EPHA6: variants seen among roughly 807,000 people sequenced by gnomAD.
EPHA6 encodes EPH receptor A6, also known as ephrin type-A receptor 6.
EPHA6 carries 50 observed loss-of-function variants against 112.0 expected under a neutral mutation model. The ratio of observed to expected loss-of-function variants is 0.45; its 90% CI spans 0.36 to 0.56. The LOEUF is 0.56. Ranked by LOEUF, EPHA6 falls within the 20% of genes least tolerant of loss-of-function variation. The pLI, the probability that EPHA6 is intolerant of heterozygous loss-of-function variation, is 0.00. For missense variants in EPHA6, 1,280 were observed against 1,417.4 expected (o/e 0.90, Z 1.56); for synonymous variants, 529 against 490.7 (o/e 1.08, Z -1.03).
chr3:97,707,427 C>T (rs1370814724), intron 14 of EPHA6, among the ~76,000 whole-genome samples: 1 of 152,096 alleles, frequency 6.6e-6, no homozygotes, highest in Non-Finnish European at 1.5e-5. Flanking sequence ...GTGAGGCAGA[C>T]AGTAAGTGTT....
At chr3:96,840,865 C>A (rs191515323) in intron 1 of EPHA6, among the ~76,000 whole-genome samples, 5 of 152,102 alleles carry the variant, frequency 3.3e-5, no homozygotes, top group Admixed American at 2.0e-4. Context: ...TTAAAAAAAT[C>A]TATTCATTTT....
chr3:96,816,185 A>G (rs2032768441), intron 1 of EPHA6, among the ~76,000 whole-genome samples: 1 of 152,228 alleles, frequency 6.6e-6, no homozygotes, highest in African/African-American at 2.4e-5. Context: ...GTTCAGAATC[A>G]GAATAAAATA....
At position 96,987,296 on chromosome 3, in the gene EPHA6, A is replaced by G. The variant is rs770776099; in HGVS notation, c.451-34A>G. The G allele has an allele frequency of 8.4e-6, 13 of 1,540,728 alleles. No homozygotes were observed. In the East Asian group the frequency reaches 2.3e-4, roughly 27 times the overall value. The stretch of plus-strand genomic sequence containing the variant: ...CATTTCTGTTTAATCACTGTGGTTT[A>G]AAATCACTTAATTACTTTTTTCCCT... On this transcript the variant is annotated intron_variant, in intron 2 of 17. Transcript: ENST00000389672.
intron 1 of EPHA6, among the ~76,000 whole-genome samples, chr3:96,822,154 A>T (rs2033308190): frequency 6.6e-6 from 1 of 151,958 alleles, no homozygotes; most frequent in African/African-American, 2.4e-5. Context: ...TTTTACAAAC[A>T]TGTTCATATG....
At chr3:97,661,887 T>G (rs1247059258) in intron 14 of EPHA6, among the ~76,000 whole-genome samples, 1 of 152,190 alleles carries the variant, frequency 6.6e-6, no homozygotes, top group Admixed American at 6.6e-5. Context: ...AGTGCATGAT[T>G]GGCATATACA....
Position 97,592,890 on chromosome 3 carries a change from T to C in EPHA6, c.2512+153T>C, listed in dbSNP as rs536169851. Among the ~76,000 whole-genome samples, 11 of 152,340 alleles carry C rather than the reference T, an allele frequency of 7.2e-5. No individual in the cohort carries two copies. In the South Asian group the frequency reaches 1.0e-3, roughly 14 times the overall value. On this transcript the variant is annotated intron_variant, in intron 12 of 17. Coordinates refer to ENST00000389672, the MANE Select transcript of EPHA6 (RefSeq NM_001080448.3). The stretch of plus-strand genomic sequence containing the variant: ...TTAAATTCAGAAACCATATTTATAA[T>C]ACTGAATGCTGTCAAAATGGCACAA...
At chr3:97,595,677 AAGAGGAGAGG>A (rs141447384) in intron 12 of EPHA6, among the ~76,000 whole-genome samples, 20 of 150,234 alleles carry the variant, frequency 1.3e-4, no homozygotes, top group Non-Finnish European at 1.8e-4. Context: ...CACAGGAGAG[AAGAGGAGAGG>A]AGAGGAGAGG....
chr3:97,356,074 T>G (rs1011224823), intron 5 of EPHA6, among the ~76,000 whole-genome samples: 25 of 152,226 alleles, frequency 1.6e-4, no homozygotes, highest in African/African-American at 6.0e-4. Context: ...CTGCTCCCCA[T>G]CACTAGCATT....
chr3:96,976,165 A>G (rs2042513386), intron 2 of EPHA6, among the ~76,000 whole-genome samples: 1 of 152,140 alleles, frequency 6.6e-6, no homozygotes, highest in Non-Finnish European at 1.5e-5. Flanking sequence ...AGGGGTAGGA[A>G]CTTTAAGTGG....
At chr3:96,997,594 T>C (rs956190211) in intron 3 of EPHA6, among the ~76,000 whole-genome samples, 2 of 151,916 alleles carry the variant, frequency 1.3e-5, no homozygotes, top group African/African-American at 2.4e-5. Flanking sequence ...ATTTATTAAG[T>C]TTTCTGGCTT....
intron 5 of EPHA6, among the ~76,000 whole-genome samples, chr3:97,399,559 G>A (rs1205411367): frequency 4.0e-5 from 6 of 151,424 alleles, no homozygotes; most frequent in African/African-American, 1.5e-4. Flanking sequence ...ACTGGCAGTG[G>A]ATGAGTTCCA....
In EPHA6 at chr3:97,563,050, CA is replaced by C. The variant is rs961534776; in HGVS notation, c.2387-29554del. Among the ~76,000 whole-genome samples, 5 of 151,776 alleles carry C rather than the reference CA, an allele frequency of 3.3e-5. No individual in the cohort carries two copies. The East Asian group carries it at 9.7e-4, about 29-fold the overall frequency. Reference sequence around the variant, plus strand: ...ATAACTTTTATATGCACTTGGAAACCAAAAAAAATTCATTCGACTTGCTTTA... The same window carrying C: ...ATAACTTTTATATGCACTTGGAAACCAAAAAAATTCATTCGACTTGCTTTA... On this transcript the variant is annotated intron_variant, in intron 11 of 17. Coordinates refer to ENST00000389672, the MANE Select transcript of EPHA6 (RefSeq NM_001080448.3).
chr3:97,283,441 T>G (rs2080355999), intron 5 of EPHA6, among the ~76,000 whole-genome samples: 1 of 152,138 alleles, frequency 6.6e-6, no homozygotes, highest in Non-Finnish European at 1.5e-5. Flanking sequence ...GTGATTACAT[T>G]GGCAAGGAAA....
At chr3:97,182,996 A>G (rs113296998) in intron 3 of EPHA6, among the ~76,000 whole-genome samples, 1 of 152,088 alleles carries the variant, frequency 6.6e-6, no homozygotes, top group Non-Finnish European at 1.5e-5. Flanking sequence ...GAGATTTTAA[A>G]TCTACTTTTT....
intron 4 of EPHA6, among the ~76,000 whole-genome samples, chr3:97,234,679 T>C (rs1019991368): frequency 6.6e-6 from 1 of 152,164 alleles, no homozygotes; most frequent in Non-Finnish European, 1.5e-5. Flanking sequence ...TTTATCACCA[T>C]TGATGATTCT....
chr3:97,484,356 T>C (rs1017069531), intron 10 of EPHA6, among the ~76,000 whole-genome samples: 2 of 152,194 alleles, frequency 1.3e-5, no homozygotes, highest in African/African-American at 4.8e-5. Flanking sequence ...ATAGATTTAC[T>C]TGAGCGCCAA....
At chr3:97,202,447 C>G (rs1436220834) in intron 3 of EPHA6, among the ~76,000 whole-genome samples, 1 of 151,728 alleles carries the variant, frequency 6.6e-6, no homozygotes, top group Non-Finnish European at 1.5e-5. Context: ...TTCCTGGACT[C>G]AAGTCTCCAT....
chr3:97,480,882 G>A (rs916026875), intron 9 of EPHA6, among the ~76,000 whole-genome samples: 3 of 152,066 alleles, frequency 2.0e-5, no homozygotes, highest in African/African-American at 4.8e-5. Flanking sequence ...CAGACGGGGT[G>A]GCAGAGCAGA....
intron 10 of EPHA6, among the ~76,000 whole-genome samples, chr3:97,526,449 G>A (rs1000209294): frequency 6.8e-6 from 1 of 148,014 alleles, no homozygotes; most frequent in African/African-American, 2.5e-5. Context: ...AATCTGCTGT[G>A]GAACTGATGT....
Sources: allele counts gnomAD v4.1 joint callset (sites outside exome capture counted in the v4.1 genomes callset), GRCh38; gene constraint gnomAD v4.1.1; transcripts MANE v1.5; gene names NCBI Gene and HGNC (gene_info 2026-07-23, HGNC 2026-07-21).